Variants in CACNA1D observed in about 807,000 individuals in gnomAD.
CACNA1D encodes the protein calcium voltage-gated channel subunit alpha1 D, also known as voltage-dependent L-type calcium channel subunit alpha-1D.
Under a neutral mutation model 257.1 loss-of-function variants are expected in CACNA1D, and 55 were observed. The observed-to-expected ratio is 0.21, with a 90% CI of 0.17 to 0.27. CACNA1D has a LOEUF of 0.27. Among genes scored for constraint, CACNA1D ranks in the 10% least tolerant of loss-of-function variants. The pLI is 1.00. For synonymous variants in CACNA1D, 980 were observed against 1,014.9 expected, an observed-to-expected ratio of 0.97 and a Z score of 0.65; for missense variants, 1,876 against 2,784.0, an observed-to-expected ratio of 0.67 and a Z score of 7.34.
At chr3:53,542,142 T>A (rs1024191286) in intron 3 of CACNA1D, among the ~76,000 whole-genome samples, 11 of 152,052 alleles carry the variant, frequency 7.2e-5, no homozygotes, top group African/African-American at 2.2e-4. Context: ...ATGAATTGCA[T>A]GGTATGTGAA....
chr3:53,808,199 G>C (rs1193970337), intron 45 of CACNA1D: 1 of 194,536 alleles, frequency 5.1e-6, no homozygotes, highest in African/African-American at 2.4e-5. Context: ...TGGATCACGA[G>C]GTCAGGAGAT....
chr3:53,627,498 G>C (rs888520595), intron 3 of CACNA1D, among the ~76,000 whole-genome samples: 1 of 151,874 alleles, frequency 6.6e-6, no homozygotes, highest in Non-Finnish European at 1.5e-5. Context: ...TTAAGTCCCC[G>C]TTTCTTAGAT....
At chr3:53,699,078 C>T (rs1330209181) in intron 8 of CACNA1D, among the ~76,000 whole-genome samples, 1 of 152,044 alleles carries the variant, frequency 6.6e-6, no homozygotes, top group Admixed American at 6.5e-5. Flanking sequence ...TAGAAGGTGC[C>T]TCGGACTTGA....
At chr3:53,715,571 C>A (rs893063000) in intron 9 of CACNA1D, among the ~76,000 whole-genome samples, 1 of 152,128 alleles carries the variant, frequency 6.6e-6, no homozygotes, top group Non-Finnish European at 1.5e-5. Context: ...CATGTGTGGG[C>A]CTCACTGATC....
At position 53,800,050 on chromosome 3, in the gene CACNA1D, G is replaced by T; in HGVS notation, c.4924-199G>T. The T allele has an allele frequency of 1.5e-6, 1 of 681,944 alleles. No homozygotes were observed. Among genetic ancestry groups the T allele is most frequent in the South Asian group, 1.7e-5 (1 of 60,380 alleles). The allele number at this position is 681,944 out of a possible 1,614,324, so 42.2% of individuals were successfully genotyped here. A position where few individuals can be genotyped will look rare whatever the true frequency, so the allele number is the denominator to read the frequency against. Reference sequence around the variant, plus strand: ...TTGCAGGCCTCAGGCATCCTACCTAGGACCTTCTTGACCCTCTGGATGCCT... The same window carrying T: ...TTGCAGGCCTCAGGCATCCTACCTATGACCTTCTTGACCCTCTGGATGCCT... On this transcript the variant is annotated intron_variant, in intron 40 of 47. Transcript: ENST00000350061. This position sits in a 1 kb window ranked among gnomAD's most constrained non-coding sequence, Gnocchi z 4.3.
intron 8 of CACNA1D, among the ~76,000 whole-genome samples, chr3:53,695,497 T>C (rs1228935981): frequency 1.3e-5 from 2 of 152,132 alleles, no homozygotes; most frequent in African/African-American, 4.8e-5. Flanking sequence ...ACAAGAAATG[T>C]TCATGTGGCA....
At chr3:53,762,451 C>A in intron 30 of CACNA1D, 1 of 430,038 alleles carries the variant, frequency 2.3e-6, no homozygotes, top group Non-Finnish European at 4.6e-6. Flanking sequence ...CGCCGTGTGG[C>A]GCGATGCTAG....
intron 30 of CACNA1D, among the ~76,000 whole-genome samples, chr3:53,767,020 G>C (rs1279472004): frequency 6.6e-6 from 1 of 152,120 alleles, no homozygotes; most frequent in African/African-American, 2.4e-5. Context: ...TAGGGGAGAT[G>C]GGGATGGAGT....
chr3:53,726,887 A>C lies in CACNA1D; in HGVS notation c.2109A>C (p.Thr703=). ...QALLTVFQIL[T]GEDWNAVMYD... is the part of the protein sequence containing the mutation. Reference sequence around the variant, plus strand: ...CCAGTTTGGCTTCTCAGATCCTGACAGGCGAAGACTGGAATGCTGTGATGT... The same window carrying C: ...CCAGTTTGGCTTCTCAGATCCTGACCGGCGAAGACTGGAATGCTGTGATGT... Residue 703 remains threonine, a synonymous_variant, in exon 15 of 48, where the codon ACA becomes ACC. Transcript: ENST00000350061. 6.2e-7 allele frequency: 1 copy of C among 1,614,210 alleles called. No homozygotes were observed. Among genetic ancestry groups the C allele is most frequent in the Non-Finnish European group, 8.5e-7 (1 of 1,180,030 alleles).
At position 53,810,050 on chromosome 3, in the gene CACNA1D, G is replaced by A; in HGVS notation, c.5944G>A (p.Ala1982Thr). Residue 1982 changes from alanine to threonine, a missense_variant, in exon 47 of 48, where the codon GCC becomes ACC. Transcript: ENST00000350061. ...YSPSHSTRSW[A>T]TPPATPPYRD... ...ACCGAGTCACTCGACCCGGTCGTGG[G>A]CCACCCCTCCAGCAACCCCTCCCTA... is the stretch of plus-strand genomic sequence containing the variant. 6.2e-7 allele frequency: 1 copy of A among 1,613,932 alleles called. No individual in the cohort carries two copies. Among genetic ancestry groups the A allele is most frequent in the Non-Finnish European group, 8.5e-7 (1 of 1,180,010 alleles).
At chr3:53,627,349 G>C (rs1480584625) in intron 3 of CACNA1D, among the ~76,000 whole-genome samples, 1 of 152,204 alleles carries the variant, frequency 6.6e-6, no homozygotes, top group Non-Finnish European at 1.5e-5. Context: ...GTCTCTGCCA[G>C]GTCAAAAGGT....
chr3:53,668,917 T>A (rs1259717184), intron 7 of CACNA1D, among the ~76,000 whole-genome samples: 1 of 152,236 alleles, frequency 6.6e-6, no homozygotes, highest in Non-Finnish European at 1.5e-5. Context: ...TATTTCAAAT[T>A]GTAAAAATCA....
At position 53,657,791 on chromosome 3, in the gene CACNA1D, A is replaced by G. The variant is rs1020040344; in HGVS notation, c.624-2342A>G. Among the ~76,000 whole-genome samples the G allele has an allele frequency of 4.6e-5, 7 of 152,340 alleles. 1 individual carries two copies. In the South Asian group the frequency reaches 1.4e-3, roughly 32 times the overall value. ...TCAATCCACTGGATTTTTCCATTCC[A>G]ACAGTGACCTATTGCTTTTGTCAAG... On this transcript the variant is annotated intron_variant, in intron 4 of 47. Transcript: ENST00000350061.
chr3:53,661,937 T>A (rs2094207548), intron 5 of CACNA1D, among the ~76,000 whole-genome samples: 1 of 152,216 alleles, frequency 6.6e-6, no homozygotes, highest in Non-Finnish European at 1.5e-5. Context: ...ATGAGGACTT[T>A]TGAGCTTATA....
In CACNA1D at chr3:53,608,190, T is replaced by C. The variant is rs2093537471; in HGVS notation, c.484-42589T>C. Among the ~76,000 whole-genome samples, 4 of 152,346 alleles carry C rather than the reference T, an allele frequency of 2.6e-5. No homozygotes were observed. The South Asian group carries it at 8.3e-4, about 32-fold the overall frequency. ...AATTTTTTTCAATAATGTTTTGTGG[T>C]TTTCAGTTTCAAATGTTTTGCATAA... On this transcript the variant is annotated intron_variant, in intron 3 of 47. Transcript: ENST00000350061.
At chr3:53,809,945 C>G in intron 46 of CACNA1D, 33 bp from the exon 47 acceptor site, 1 of 1,605,872 alleles carries the variant, frequency 6.2e-7, no homozygotes, top group Non-Finnish European at 8.5e-7. Context: ...CTCTGAGAAC[C>G]TCTGGTCTCC....
intron 29 of CACNA1D, 38 bp from the exon 30 acceptor site, chr3:53,761,960 C>T (rs1439294201): frequency 7.1e-7 from 1 of 1,415,788 alleles, no homozygotes; most frequent in Non-Finnish European, 1.0e-6. Flanking sequence ...GTCATTCATA[C>T]ATGCTCATAA....
At chr3:53,592,331 T>C (rs1472341367) in intron 3 of CACNA1D, among the ~76,000 whole-genome samples, 1 of 152,158 alleles carries the variant, frequency 6.6e-6, no homozygotes, top group East Asian at 1.9e-4. Context: ...GCACCCAGCC[T>C]GGCTGAGAGT....
intron 40 of CACNA1D, chr3:53,796,220 G>A: frequency 2.5e-6 from 1 of 397,882 alleles, no homozygotes; most frequent in Admixed American, 2.8e-5. Context: ...CTTGTCACCA[G>A]CGAGACGACT....
Sources: allele counts gnomAD v4.1 joint callset (sites outside exome capture counted in the v4.1 genomes callset), GRCh38; gene constraint gnomAD v4.1.1; non-coding constraint Gnocchi (gnomAD v3.1); transcripts MANE v1.5; gene names NCBI Gene and HGNC (gene_info 2026-07-23, HGNC 2026-07-21).